TAFA4: variants seen among roughly 807,000 people sequenced by gnomAD.
TAFA4 encodes chemokine-like protein TAFA-4.
In TAFA4, 20 loss-of-function variants were observed where a neutral mutation model predicts 21.1. That is an observed-to-expected ratio of 0.95 (90% CI 0.67 to 1.38). The LOEUF (loss-of-function observed/expected upper bound fraction) is 1.38, where lower values mean the gene tolerates loss of function less well. Ranked by LOEUF, TAFA4 falls within the 40% of genes most tolerant of loss-of-function variation. The pLI is 0.00. For synonymous variants in TAFA4, 71 were observed against 67.4 expected, an observed-to-expected ratio of 1.05 and a Z score of -0.26; for missense variants, 211 against 180.9, an observed-to-expected ratio of 1.17 and a Z score of -0.95.
At chr3:68,926,523 G>C (rs147642702) in intron 1 of TAFA4, among the ~76,000 whole-genome samples, 1 of 152,254 alleles carries the variant, frequency 6.6e-6, no homozygotes, top group African/African-American at 2.4e-5. Context: ...AAAGAGCTGC[G>C]GACATTGGAT....
intron 1 of TAFA4, among the ~76,000 whole-genome samples, chr3:68,929,804 C>T (rs1296627358): frequency 6.6e-6 from 1 of 152,184 alleles, no homozygotes; most frequent in African/African-American, 2.4e-5. Context: ...TCAAACTGGG[C>T]AGCTAACGGA....
At chr3:68,852,435 A>G (rs1329584613) in intron 3 of TAFA4, among the ~76,000 whole-genome samples, 1 of 152,094 alleles carries the variant, frequency 6.6e-6, no homozygotes, top group Non-Finnish European at 1.5e-5. Flanking sequence ...ACTAGGTATA[A>G]AAGTCCACCA....
intron 3 of TAFA4, among the ~76,000 whole-genome samples, chr3:68,774,698 T>G (rs535283988): frequency 1.3e-5 from 2 of 152,306 alleles, no homozygotes; most frequent in African/African-American, 4.8e-5. Context: ...GAATCAAGAA[T>G]TTTAATGTAA....
At chr3:68,901,050 A>G (rs1457913659) in intron 1 of TAFA4, among the ~76,000 whole-genome samples, 1 of 152,200 alleles carries the variant, frequency 6.6e-6, no homozygotes, top group African/African-American at 2.4e-5. Flanking sequence ...GAAACAGCTA[A>G]TAATTCCAGA....
At chr3:68,777,093 A>AAT (rs982488610) in intron 3 of TAFA4, among the ~76,000 whole-genome samples, 74 of 152,032 alleles carry the variant, frequency 4.9e-4, no homozygotes, top group Admixed American at 3.4e-3. Flanking sequence ...TAGACATTTC[A>AAT]ATATATATAT....
chr3:68,872,378 T>C (rs561815065), intron 3 of TAFA4, among the ~76,000 whole-genome samples: 2 of 151,984 alleles, frequency 1.3e-5, no homozygotes, highest in Non-Finnish European at 2.9e-5. Context: ...AGAAAGTTGA[T>C]TGGTGGTTAC....
At chr3:68,871,050 G>A (rs2089476183) in intron 3 of TAFA4, among the ~76,000 whole-genome samples, 1 of 152,094 alleles carries the variant, frequency 6.6e-6, no homozygotes, top group Non-Finnish European at 1.5e-5. Flanking sequence ...AAAAAGTCAG[G>A]AAACAACAGA....
At chr3:68,757,896 A>C (rs533598007) in intron 3 of TAFA4, among the ~76,000 whole-genome samples, 6 of 152,312 alleles carry the variant, frequency 3.9e-5, no homozygotes, top group African/African-American at 1.2e-4. Context: ...CTTAGATTTG[A>C]TAAAATATAG....
chr3:68,905,977 T>C (rs1196775735), intron 1 of TAFA4, among the ~76,000 whole-genome samples: 1 of 152,094 alleles, frequency 6.6e-6, no homozygotes, highest in African/African-American at 2.4e-5. Context: ...TAAACCGAAG[T>C]GAAAATCCCA....
intron 4 of TAFA4, among the ~76,000 whole-genome samples, chr3:68,740,799 A>G (rs1702334539): frequency 6.6e-6 from 1 of 152,152 alleles, no homozygotes; most frequent in Non-Finnish European, 1.5e-5. Context: ...TTACATTTAC[A>G]TCCTTTTCAA....
chr3:68,796,894 C>T (rs780809120), intron 3 of TAFA4, among the ~76,000 whole-genome samples: 1 of 152,142 alleles, frequency 6.6e-6, no homozygotes, highest in Admixed American at 6.5e-5. Flanking sequence ...CTCAACATCA[C>T]TAATCACAAG....
At chr3:68,822,407 A>G (rs1336533484) in intron 3 of TAFA4, among the ~76,000 whole-genome samples, 1 of 152,182 alleles carries the variant, frequency 6.6e-6, no homozygotes, top group Admixed American at 6.5e-5. Flanking sequence ...CTGGACAAGA[A>G]ATTTGACTTA....
chr3:68,812,364 A>C (rs1335957477), intron 3 of TAFA4, among the ~76,000 whole-genome samples: 3 of 152,230 alleles, frequency 2.0e-5, no homozygotes, highest in East Asian at 1.9e-4. Context: ...GCTCCAATTA[A>C]AAGACACAGA....
intron 3 of TAFA4, among the ~76,000 whole-genome samples, chr3:68,782,961 A>C (rs1013181296): frequency 2.6e-5 from 4 of 152,236 alleles, no homozygotes; most frequent in African/African-American, 9.7e-5. Context: ...ATATGTAATG[A>C]CCAAGTAAGG....
intron 3 of TAFA4, among the ~76,000 whole-genome samples, chr3:68,873,625 A>T (rs2089514380): frequency 6.6e-6 from 1 of 152,170 alleles, no homozygotes; most frequent in Non-Finnish European, 1.5e-5. Flanking sequence ...TGACCACAGG[A>T]CACTTGCAGG....
At chr3:68,884,316 A>G (rs1462072162) in intron 2 of TAFA4, among the ~76,000 whole-genome samples, 1 of 152,154 alleles carries the variant, frequency 6.6e-6, no homozygotes, top group African/African-American at 2.4e-5. Context: ...AGGAAAAGGG[A>G]TAGGCCAGGA....
intron 3 of TAFA4, among the ~76,000 whole-genome samples, chr3:68,827,953 G>A (rs1377410499): frequency 6.6e-6 from 1 of 152,112 alleles, no homozygotes; most frequent in Non-Finnish European, 1.5e-5. Flanking sequence ...TGAAGTCCTT[G>A]CCCATGCCTA....
chr3:68,771,730 C>A (rs1047873546), intron 3 of TAFA4, among the ~76,000 whole-genome samples: 4 of 151,160 alleles, frequency 2.6e-5, no homozygotes, highest in African/African-American at 9.9e-5. Flanking sequence ...GGTGTGAAGA[C>A]CACTAACCAC....
At chr3:68,738,184 CAT>C (rs765188162) in intron 5 of TAFA4, among the ~76,000 whole-genome samples, 3 of 152,114 alleles carry the variant, frequency 2.0e-5, no homozygotes, top group Non-Finnish European at 2.9e-5. Flanking sequence ...AGGAGGGAAA[CAT>C]ATTCTATGAA....
Sources: allele counts gnomAD v4.1 joint callset (sites outside exome capture counted in the v4.1 genomes callset), GRCh38; gene constraint gnomAD v4.1.1; transcripts MANE v1.5; gene names NCBI Gene and HGNC (gene_info 2026-07-23, HGNC 2026-07-21).